GFPT1: variants seen among roughly 807,000 people sequenced by gnomAD.
GFPT1 encodes the protein glutamine--fructose-6-phosphate transaminase 1, also known as glutamine--fructose-6-phosphate aminotransferase [isomerizing] 1.
A neutral mutation model predicts 92.0 loss-of-function variants in GFPT1; 40 were observed. The observed-to-expected ratio is 0.43, with a 90% CI of 0.34 to 0.57. The LOEUF is 0.57. Among genes scored for constraint, GFPT1 ranks in the 20% least tolerant of loss-of-function variants. The probability of loss-of-function intolerance (pLI) is 0.02; values close to 1 mark genes in which losing one functional copy is unlikely to be tolerated. For synonymous variants in GFPT1, 269 were observed against 280.6 expected (o/e 0.96, Z 0.41); for missense variants, 448 against 869.1 (o/e 0.52, Z 6.09).
chr2:69,326,148 T>G lies in GFPT1; in HGVS notation c.*41A>C. Reference sequence around the variant, plus strand: ...TTTAAATACAAAAGGTGTCTTGTGTTGCTTAATCATACAGTTTCGTACATT... The same window carrying G: ...TTTAAATACAAAAGGTGTCTTGTGTGGCTTAATCATACAGTTTCGTACATT... On this transcript the variant is annotated 3_prime_UTR_variant, in exon 20 of 20. Transcript: ENST00000357308. The G allele has an allele frequency of 1.5e-6, 2 of 1,341,698 alleles. No homozygotes were observed. Among genetic ancestry groups the G allele is most frequent in the Non-Finnish European group, 2.1e-6 (2 of 934,748 alleles). The allele number at this position is 1,341,698 out of a possible 1,614,324, so 83.1% of individuals were successfully genotyped here. A position where few individuals can be genotyped will look rare whatever the true frequency, so the allele number is the denominator to read the frequency against.
intron 4 of GFPT1, among the ~76,000 whole-genome samples, chr2:69,361,447 C>CA (rs558027010): frequency 0.012 from 1,045 of 87,682 alleles, 14 homozygotes; most frequent in African/African-American, 0.029. Flanking sequence ...GATTCCTTCT[C>CA]AAAAAAAAAA....
intron 3 of GFPT1, among the ~76,000 whole-genome samples, chr2:69,363,965 A>C (rs181849607): frequency 6.6e-6 from 1 of 152,194 alleles, no homozygotes; most frequent in East Asian, 1.9e-4. Context: ...AAATACAAAA[A>C]TTGGCCAGGC....
intron 1 of GFPT1, among the ~76,000 whole-genome samples, chr2:69,380,168 T>C (rs1304198060): frequency 2.0e-5 from 3 of 151,786 alleles, no homozygotes; most frequent in Admixed American, 2.0e-4. Flanking sequence ...TGAAACCCCG[T>C]CTCCATTAAA....
At position 69,338,131 on chromosome 2, in the gene GFPT1, T is replaced by A. The variant is rs1466659177; in HGVS notation, c.1325-76A>T. 2.4e-6 allele frequency: 3 copies of A among 1,243,230 alleles called. No homozygotes were observed. In the African/African-American group the frequency reaches 4.4e-5, roughly 18 times the overall value. The allele number at this position is 1,243,230 out of a possible 1,614,324, so 77.0% of individuals were successfully genotyped here. ...CTGTTTCTTAGGAGCAAAAACAAAT[T>A]GACCACACTTTCAACAATATTACTT... On this transcript the variant is annotated intron_variant, in intron 14 of 19. Transcript: ENST00000357308.
chr2:69,363,669 C>T lies in GFPT1; in HGVS notation c.225G>A (p.Lys75=), dbSNP rs1262884169. ...CTATATCCAAATCCATATCTTGTTG[C>T]TCTGAAGAATATGAAAAGAAAAATT... The part of the protein sequence containing the change: ...KVKALDEEVH[K]QQDMDLDIEF... The change falls in exon 4 of 20, where the codon AAG becomes AAA. Residue 75 remains lysine (K), a splice_region_variant and synonymous_variant. Transcript: ENST00000357308. 3 of 1,601,146 alleles carry T rather than the reference C, an allele frequency of 1.9e-6. No individual in the cohort carries two copies. Among genetic ancestry groups the T allele is most frequent in the African/African-American group, 1.3e-5 (1 of 74,620 alleles).
chr2:69,350,084 T>A lies in GFPT1; in HGVS notation c.839A>T (p.Asp280Val). 1 of 1,607,704 alleles carries A rather than the reference T, an allele frequency of 6.2e-7. No homozygotes were observed. The highest frequency in any genetic ancestry group is 8.5e-7 in the Non-Finnish European group (1 of 1,174,128). Residue 280 changes from aspartate to valine, a missense_variant, in exon 10 of 20, where the codon GAT becomes GTT. This residue lies in a region of GFPT1 where 121 missense variants were observed against 304.3 expected (regional missense o/e 0.40). Coordinates refer to ENST00000357308, the MANE Select transcript of GFPT1 (RefSeq NM_001244710.2). ...ATCAACTAAGGAAGCTCACCTTGCA[T>A]CAGAAGCAAAGTAATACTCCACTGC... Reference protein sequence around the residue: ...EKAVEYYFASDASAVIEHTNR... With the variant: ...EKAVEYYFASVASAVIEHTNR...
rs545408991 is a variant in GFPT1, at chr2:69,342,245, A to T, written c.1110T>A (p.Asn370Lys). Residue 370 changes from asparagine (N) to lysine (K), a missense_variant, in exon 13 of 20, where the codon AAT (asparagine) becomes AAA (lysine). Around this residue, in one of 7 missense-constraint regions of GFPT1, gnomAD observed 121 missense variants for 304.3 expected, o/e 0.40. Transcript: ENST00000357308. ...TTATGTGATCCTTCAAACCACCCAA[A>T]TTCACTGAAATAAAAGTTTGTGTAC... ...GRVNFDDYTVNLGGLKDHIKE... is the reference protein window; with the variant it reads ...GRVNFDDYTVKLGGLKDHIKE... 8 of 1,583,514 alleles carry T rather than the reference A, an allele frequency of 5.1e-6. No individual in the cohort carries two copies. The South Asian group carries it at 8.8e-5, about 18-fold the overall frequency.
In GFPT1 at chr2:69,374,066, T is replaced by C. The variant is rs548685453; in HGVS notation, c.55A>G (p.Ile19Val). 1.2e-6 allele frequency: 2 copies of C among 1,601,658 alleles called. No individual in the cohort carries two copies. The highest frequency in any genetic ancestry group is 2.2e-5 in the East Asian group (1 of 44,626). The change falls in exon 2 of 20, where the codon ATC (isoleucine) becomes GTC (valine). Residue 19 changes from isoleucine (I) to valine (V), a missense_variant. Coordinates refer to ENST00000357308, the MANE Select transcript of GFPT1 (RefSeq NM_001244710.2). ...NYHVPRTRRE[I>V]LETLIKGLQR... is the part of the protein sequence containing the mutation. ...AGGCCTTTGATTAGGGTCTCCAGGA[T>C]TTCTCGTCTCGTTCGAGGAACATGG...
chr2:69,353,551 G>T (rs527687959), intron 9 of GFPT1, among the ~76,000 whole-genome samples: 1 of 151,666 alleles, frequency 6.6e-6, no homozygotes, highest in South Asian at 2.1e-4. Context: ...GAATTAGCTG[G>T]GTATGATGGC....
At chr2:69,368,485 T>C (rs1671663737) in intron 3 of GFPT1, among the ~76,000 whole-genome samples, 1 of 151,978 alleles carries the variant, frequency 6.6e-6, no homozygotes, top group African/African-American at 2.4e-5. Flanking sequence ...CCCACTACTT[T>C]GAGAGGCCGA....
Position 69,329,300 on chromosome 2 carries a change from T to C in GFPT1, c.1722A>G (p.Ala574=). 1.2e-6 allele frequency: 2 copies of C among 1,613,812 alleles called. No homozygotes were observed. Among genetic ancestry groups the C allele is most frequent in the Non-Finnish European group, 1.7e-6 (2 of 1,179,730 alleles). Residue 574 remains alanine, a synonymous_variant, in exon 17 of 20, where the codon GCA becomes GCG. Coordinates refer to ENST00000357308, the MANE Select transcript of GFPT1 (RefSeq NM_001244710.2). The part of the protein sequence containing the change: ...GYHYATCLEG[A]LKIKEITYMH... ...AATTAGAACTGAGAAAACTTACCAG[T>C]GCCCCTTCAAGACAAGTAGCATAAT...
At chr2:69,360,428 G>A (rs951332618) in intron 4 of GFPT1, among the ~76,000 whole-genome samples, 67 of 142,758 alleles carry the variant, frequency 4.7e-4, no homozygotes, top group Non-Finnish European at 6.3e-4. Flanking sequence ...AATTTTATAT[G>A]AAATTATCAA....
chr2:69,326,131 CA>C lies in GFPT1; in HGVS notation c.*57del, dbSNP rs1322027375. On this transcript the variant is annotated 3_prime_UTR_variant, in exon 20 of 20. Coordinates refer to ENST00000357308, the MANE Select transcript of GFPT1 (RefSeq NM_001244710.2). Reference sequence around the variant, plus strand: ...ATATTTTAAATCAAGGTTTTAAATACAAAAGGTGTCTTGTGTTGCTTAATCA... The same window carrying C: ...ATATTTTAAATCAAGGTTTTAAATACAAAGGTGTCTTGTGTTGCTTAATCA... The C allele has an allele frequency of 3.2e-5, 36 of 1,122,100 alleles. No homozygotes were observed. The highest frequency in any genetic ancestry group is 4.7e-5 in the Non-Finnish European group (35 of 744,318). 69.5% of individuals were successfully genotyped at this position (1,122,100 alleles called of 1,614,324 possible).
intron 13 of GFPT1, among the ~76,000 whole-genome samples, chr2:69,338,802 C>CTTTTTTTT (rs58220809): frequency 1.3e-4 from 17 of 131,780 alleles, no homozygotes; most frequent in Non-Finnish European, 2.5e-4. Flanking sequence ...GTATACATTC[C>CTTTTTTTT]TTTTTTTTTT....
intron 15 of GFPT1, 80 bp downstream of exon 15, chr2:69,337,818 A>T: frequency 8.8e-7 from 1 of 1,130,426 alleles, no homozygotes; most frequent in Non-Finnish European, 1.3e-6. Context: ...CAAAAATAAG[A>T]TACAGACTAG....
At position 69,319,835 on chromosome 2, in the gene GFPT1, C is replaced by G. The variant is rs1042259513; in HGVS notation, c.*6354G>C. On this transcript the variant is annotated 3_prime_UTR_variant, in exon 20 of 20. Transcript: ENST00000357308. ...ACAAAATTAAGAAAGAGTTCAAATT[C>G]AAAGTAAATATGCTTGATATTTCAA... is the stretch of plus-strand genomic sequence containing the variant. The G allele has an allele frequency of 1.3e-5, 2 of 152,106 alleles. No individual in the cohort carries two copies. The highest frequency in any genetic ancestry group is 2.4e-5 in the African/African-American group (1 of 41,426). The allele number at this position is 152,106 out of a possible 1,614,324, so 9.4% of individuals were successfully genotyped here. A position where few individuals can be genotyped will look rare whatever the true frequency, so the allele number is the denominator to read the frequency against.
rs974945788 is a variant in GFPT1 at position 69,321,086 on chromosome 2, T to C, written c.*5103A>G. Reference sequence around the variant, plus strand: ...GCTCTATAATTAACAGAGAGCCAGATATTACAGAAACTTTAGATTGTCTTG... The same window carrying C: ...GCTCTATAATTAACAGAGAGCCAGACATTACAGAAACTTTAGATTGTCTTG... On this transcript the variant is annotated 3_prime_UTR_variant, in exon 20 of 20. Coordinates refer to ENST00000357308, the MANE Select transcript of GFPT1 (RefSeq NM_001244710.2). The C allele has an allele frequency of 2.6e-5, 4 of 152,252 alleles. No homozygotes were observed. The highest frequency in any genetic ancestry group is 4.4e-5 in the Non-Finnish European group (3 of 68,044). The allele number at this position is 152,252 out of a possible 1,614,324, so 9.4% of individuals were successfully genotyped here.
At chr2:69,328,462 T>C (rs775148689) in intron 17 of GFPT1, 24 bp from the exon 18 acceptor site, 2 of 1,568,896 alleles carry the variant, frequency 1.3e-6, no homozygotes, top group Non-Finnish European at 1.8e-6. Context: ...ACCAGATTTG[T>C]CTTCAATCCA....
chr2:69,377,498 TA>T (rs1176746202), intron 1 of GFPT1, among the ~76,000 whole-genome samples: 68 of 142,014 alleles, frequency 4.8e-4, no homozygotes, highest in Middle Eastern at 3.8e-3. Context: ...AAAATAAAAA[TA>T]AAAAAAAAAA....
Sources: allele counts gnomAD v4.1 joint callset (sites outside exome capture counted in the v4.1 genomes callset), GRCh38; gene constraint gnomAD v4.1.1; regional missense constraint gnomAD v4.1.1; transcripts MANE v1.5; gene names NCBI Gene and HGNC (gene_info 2026-07-23, HGNC 2026-07-21).